ABCC1: variants seen among roughly 807,000 people sequenced by gnomAD.
ABCC1 encodes the protein ATP binding cassette subfamily C member 1 (ABCC1 blood group), also known as multidrug resistance-associated protein 1.
ABCC1 carries 83 observed loss-of-function variants against 172.9 expected under a neutral mutation model. That is an observed-to-expected ratio of 0.48 (90% confidence interval 0.40 to 0.58). The LOEUF is 0.58. Among genes scored for constraint, ABCC1 ranks in the 20% least tolerant of loss-of-function variants. The pLI is 0.00. For synonymous variants in ABCC1, 937 were observed against 825.2 expected (o/e 1.14, Z -2.32); for missense variants, 1,817 against 2,002.7 (o/e 0.91, Z 1.77).
intron 1 of ABCC1, among the ~76,000 whole-genome samples, chr16:15,973,968 G>A (rs1360470049): frequency 5.3e-5 from 8 of 152,116 alleles, no homozygotes; most frequent in African/African-American, 1.9e-4. Context: ...TTGGGTGACA[G>A]AGTGAGACCC....
intron 1 of ABCC1, among the ~76,000 whole-genome samples, chr16:16,004,955 G>A (rs774417561): frequency 1.3e-4 from 20 of 151,844 alleles, no homozygotes; most frequent in African/African-American, 3.4e-4. Flanking sequence ...ATGAGCCACC[G>A]CGCCCAACCT....
chr16:15,998,374 G>A (rs1010321814), intron 1 of ABCC1, among the ~76,000 whole-genome samples: 4 of 151,252 alleles, frequency 2.6e-5, no homozygotes, highest in South Asian at 2.1e-4. Context: ...CAATCCTCCC[G>A]CCTCAGCCTC....
Position 16,056,286 on chromosome 16 carries a change from G to T in ABCC1, c.1668G>T (p.Thr556=). The T allele has an allele frequency of 1.2e-6, 2 of 1,614,180 alleles. No homozygotes were observed. Among genetic ancestry groups the T allele is most frequent in the Non-Finnish European group, 1.7e-6 (2 of 1,180,032 alleles). ...TGGGCACCTTCACCTGGGTCTGCAC[G>T]CCCTTTCTGGTGAGTGAAGCCACAT... ...SAVGTFTWVC[T]PFLVALCTFA... The change falls in exon 12 of 31, where the codon ACG becomes ACT. Residue 556 remains threonine, a synonymous_variant. Transcript: ENST00000399410.
Position 16,142,190 on chromosome 16 carries a change from T to C in ABCC1, c.*909T>C, listed in dbSNP as rs2046148842. The C allele has an allele frequency of 6.6e-6, 1 of 152,170 alleles. No individual in the cohort carries two copies. Among genetic ancestry groups the C allele is most frequent in the Non-Finnish European group, 1.5e-5 (1 of 68,044 alleles). 9.4% of individuals were successfully genotyped at this position (152,170 alleles called of 1,614,324 possible). On this transcript the variant is annotated 3_prime_UTR_variant, in exon 31 of 31. Transcript: ENST00000399410. ...TGGGGTAAATATTAAGGAGATGGCC[T>C]CATGGGAATTTGACCTTGACTAGAA...
At chr16:15,991,042 A>T (rs2046852809) in intron 1 of ABCC1, among the ~76,000 whole-genome samples, 1 of 152,056 alleles carries the variant, frequency 6.6e-6, no homozygotes, top group Non-Finnish European at 1.5e-5. Context: ...TTGACCACGG[A>T]TAGACATTTA....
At chr16:16,030,539 A>G (rs1179827123) in intron 5 of ABCC1, among the ~76,000 whole-genome samples, 2 of 151,944 alleles carry the variant, frequency 1.3e-5, no homozygotes, top group African/African-American at 4.8e-5. Context: ...AACAAAACAA[A>G]ACAAAAACCT....
chr16:16,020,765 G>A (rs1354535973), intron 5 of ABCC1, among the ~76,000 whole-genome samples: 1 of 152,188 alleles, frequency 6.6e-6, no homozygotes, highest in Admixed American at 6.5e-5. Flanking sequence ...TTTATTAGAT[G>A]CTTGCGGTGT....
Position 16,007,934 on chromosome 16 carries a change from A to G in ABCC1, c.167A>G (p.Tyr56Cys), listed in dbSNP as rs565023011. ...GCCTGTTTCCCCTTCTACTTCCTCT[A>G]TCTCTCCCGACATGACCGAGGCTAC... ...LWACFPFYFL[Y>C]LSRHDRGYIQ... The change falls in exon 2 of 31, where the codon TAT becomes TGT. Residue 56 changes from tyrosine (Y) to cysteine (C), a missense_variant. Transcript: ENST00000399410. 10 of 1,604,814 alleles carry G rather than the reference A, an allele frequency of 6.2e-6. No homozygotes were observed. Among genetic ancestry groups the G allele is most frequent in the East Asian group, 4.5e-5 (2 of 44,358 alleles).
chr16:16,001,675 C>T (rs183756846), intron 1 of ABCC1, among the ~76,000 whole-genome samples: 9 of 152,298 alleles, frequency 5.9e-5, no homozygotes, highest in African/African-American at 2.2e-4. Flanking sequence ...CAGTTTTACT[C>T]ATGATAAAGA....
chr16:16,032,587 A>G (rs1798629064), intron 5 of ABCC1, among the ~76,000 whole-genome samples: 2 of 152,236 alleles, frequency 1.3e-5, no homozygotes, highest in African/African-American at 4.8e-5. Context: ...TTCCATGAGG[A>G]TATAAAATAA....
chr16:15,989,907 C>T (rs1327445647), intron 1 of ABCC1, among the ~76,000 whole-genome samples: 1 of 152,100 alleles, frequency 6.6e-6, no homozygotes, highest in African/African-American at 2.4e-5. Context: ...GACTTGGTCT[C>T]ACTCTGTCAC....
At chr16:16,026,247 C>T (rs2048363354) in intron 5 of ABCC1, among the ~76,000 whole-genome samples, 1 of 151,484 alleles carries the variant, frequency 6.6e-6, no homozygotes, top group South Asian at 2.1e-4. Flanking sequence ...GCCTGGCCAA[C>T]ATGATAAAAC....
intron 12 of ABCC1, among the ~76,000 whole-genome samples, chr16:16,063,484 A>G (rs1270322766): frequency 1.3e-5 from 2 of 152,226 alleles, no homozygotes; most frequent in African/African-American, 4.8e-5. Flanking sequence ...AAATGTATGT[A>G]GGTAAATGAA....
chr16:16,067,199 A>T (rs1224668489), intron 12 of ABCC1, among the ~76,000 whole-genome samples: 1 of 152,150 alleles, frequency 6.6e-6, no homozygotes, highest in Non-Finnish European at 1.5e-5. Context: ...GTGGTGAGCC[A>T]TGATTGCACC....
At chr16:16,134,626 T>G (rs1322816517) in intron 28 of ABCC1, 118 bp downstream of exon 28, 11 of 7,862 alleles carry the variant, frequency 1.4e-3, no homozygotes, top group Admixed American at 0.019. Flanking sequence ...TTCATCGTTC[T>G]TTTTTTTTTT....
intron 6 of ABCC1, 95 bp from the exon 7 acceptor site, chr16:16,036,377 C>T: frequency 2.5e-6 from 3 of 1,180,826 alleles, no homozygotes; most frequent in Non-Finnish European, 3.6e-6. Context: ...CAGAGGGGAG[C>T]AGCATCAGCA....
At chr16:16,011,214 C>T (rs1318482961) in intron 3 of ABCC1, among the ~76,000 whole-genome samples, 3 of 148,858 alleles carry the variant, frequency 2.0e-5, no homozygotes, top group Non-Finnish European at 3.0e-5. Context: ...GTCTGGGGGA[C>T]AGAGCGAGAC....
intron 7 of ABCC1, among the ~76,000 whole-genome samples, chr16:16,044,129 G>T (rs1597163833): frequency 6.6e-6 from 1 of 152,158 alleles, no homozygotes; most frequent in Non-Finnish European, 1.5e-5. Flanking sequence ...TATTCAACTC[G>T]TTTAATCTTA....
chr16:16,086,463 C>T (rs891140286), intron 17 of ABCC1, among the ~76,000 whole-genome samples: 8 of 152,096 alleles, frequency 5.3e-5, no homozygotes, highest in Admixed American at 2.0e-4. Context: ...TTCTTTCTTT[C>T]TTGTTTAAAG....
Sources: allele counts gnomAD v4.1 joint callset (sites outside exome capture counted in the v4.1 genomes callset), GRCh38; gene constraint gnomAD v4.1.1; transcripts MANE v1.5; gene names NCBI Gene and HGNC (gene_info 2026-07-23, HGNC 2026-07-21).